Variants in NMNAT3 observed in about 807,000 individuals in gnomAD.
The protein encoded by NMNAT3 is nicotinamide nucleotide adenylyltransferase 3.
In NMNAT3, 21 loss-of-function variants were observed where a neutral mutation model predicts 24.8. The ratio of observed to expected loss-of-function variants is 0.85; its 90% CI spans 0.60 to 1.22. NMNAT3 has a LOEUF of 1.22. NMNAT3 is among the 50% of genes most tolerant of loss of function. The pLI, the probability that NMNAT3 is intolerant of heterozygous loss-of-function variation, is 0.00. For missense variants in NMNAT3, 387 were observed against 436.6 expected (o/e 0.89, Z 1.01); for synonymous variants, 136 against 155.2 (o/e 0.88, Z 0.92).
chr3:139,565,206 G>A (rs1936991500), intron 6 of NMNAT3, among the ~76,000 whole-genome samples: 1 of 152,032 alleles, frequency 6.6e-6, no homozygotes, highest in Admixed American at 6.6e-5. Flanking sequence ...AAAAACTGTT[G>A]TGATAAACAT....
chr3:139,603,983 C>T (rs918917076), intron 3 of NMNAT3, among the ~76,000 whole-genome samples: 5 of 152,174 alleles, frequency 3.3e-5, no homozygotes, highest in African/African-American at 9.7e-5. Flanking sequence ...TATGGCATCC[C>T]AATAGCCATC....
chr3:139,666,404 A>C (rs530951895), intron 1 of NMNAT3, among the ~76,000 whole-genome samples: 2 of 152,314 alleles, frequency 1.3e-5, no homozygotes, highest in East Asian at 3.9e-4. Context: ...TGGAGGCCCC[A>C]GCTGCCAGCC....
At chr3:139,668,962 C>T (rs1191131936) in intron 1 of NMNAT3, among the ~76,000 whole-genome samples, 2 of 152,112 alleles carry the variant, frequency 1.3e-5, no homozygotes, top group Non-Finnish European at 2.9e-5. Context: ...ATCTAAAATG[C>T]CCAGAACTGA....
chr3:139,616,268 T>C (rs115647617), intron 3 of NMNAT3, among the ~76,000 whole-genome samples: 2,654 of 152,310 alleles, frequency 0.017, 75 homozygotes, highest in African/African-American at 0.061. Context: ...TCTTAACACT[T>C]AATGCTGGGG....
chr3:139,622,303 T>G (rs533104812), intron 3 of NMNAT3, among the ~76,000 whole-genome samples: 17 of 152,284 alleles, frequency 1.1e-4, no homozygotes, highest in South Asian at 8.3e-4. Context: ...TATTTCTTGT[T>G]GGTTTTGATT....
intron 3 of NMNAT3, among the ~76,000 whole-genome samples, chr3:139,612,419 G>A (rs1328342771): frequency 2.0e-5 from 3 of 152,142 alleles, no homozygotes; most frequent in Middle Eastern, 3.2e-3. Flanking sequence ...TTGACAAGGT[G>A]TCACAAGATC....
At chr3:139,632,250 T>C (rs1481354822) in intron 2 of NMNAT3, among the ~76,000 whole-genome samples, 1 of 152,162 alleles carries the variant, frequency 6.6e-6, no homozygotes, top group Non-Finnish European at 1.5e-5. Context: ...TCCAGAGATA[T>C]AAAGTGAACT....
At chr3:139,608,575 A>G (rs953810001) in intron 3 of NMNAT3, among the ~76,000 whole-genome samples, 7 of 152,138 alleles carry the variant, frequency 4.6e-5, no homozygotes, top group African/African-American at 1.7e-4. Flanking sequence ...ACTGAGATAA[A>G]TGTAGATTTA....
intron 3 of NMNAT3, among the ~76,000 whole-genome samples, chr3:139,595,268 C>T (rs920080926): frequency 1.2e-4 from 19 of 152,074 alleles, no homozygotes; most frequent in African/African-American, 4.1e-4. Flanking sequence ...TGTGAAGGAC[C>T]TCTTCAAGGA....
In NMNAT3 at chr3:139,560,868, AG is replaced by A. The variant is rs753152816; in HGVS notation, c.*141del. On this transcript the variant is annotated 3_prime_UTR_variant, in exon 7 of 7. Coordinates refer to ENST00000643695, the MANE Select transcript of NMNAT3 (RefSeq NM_001320510.2). ...AGAAGGTATCTCTTCCTGGGACAGA[AG>A]ACTCCTCAGAAGTAGAATCACTGTA... The A allele has an allele frequency of 1.1e-3, 824 of 776,216 alleles. 1 individual carries two copies. Among genetic ancestry groups the A allele is most frequent in the South Asian group, 1.9e-3 (106 of 55,562 alleles). 48.1% of individuals were successfully genotyped at this position (776,216 alleles called of 1,614,324 possible).
intron 5 of NMNAT3, chr3:139,576,099 ATGTT>A: frequency 7.9e-7 from 1 of 1,268,620 alleles, no homozygotes; most frequent in Non-Finnish European, 1.0e-6. Flanking sequence ...CATCATAGAG[ATGTT>A]TGTTACTATG....
chr3:139,633,024 A>T (rs541102389), intron 2 of NMNAT3, among the ~76,000 whole-genome samples: 2 of 152,284 alleles, frequency 1.3e-5, no homozygotes, highest in South Asian at 4.1e-4. Context: ...GAGAGGTGCT[A>T]GGAAGGGGCC....
intron 3 of NMNAT3, among the ~76,000 whole-genome samples, chr3:139,586,150 C>T (rs1208523134): frequency 6.6e-6 from 1 of 152,164 alleles, no homozygotes; most frequent in Non-Finnish European, 1.5e-5. Flanking sequence ...CGCATGTTCT[C>T]ACTTCTAAGT....
chr3:139,591,768 A>G (rs2054197448), intron 3 of NMNAT3, among the ~76,000 whole-genome samples: 1 of 152,268 alleles, frequency 6.6e-6, no homozygotes, highest in Non-Finnish European at 1.5e-5. Context: ...CCTGTCTGTT[A>G]GAAGGAAAAC....
rs772708358 is a variant in NMNAT3, at chr3:139,579,016, T to C, written c.431A>G (p.Asn144Ser). 8 of 1,614,058 alleles carry C rather than the reference T, an allele frequency of 5.0e-6. No homozygotes were observed. Among genetic ancestry groups the C allele is most frequent in the Non-Finnish European group, 6.8e-6 (8 of 1,180,004 alleles). Residue 144 changes from asparagine to serine, a missense_variant, in exon 5 of 7, where the codon AAC (asparagine) becomes AGC (serine). By Grantham distance (46) the Asn-to-Ser change is conservative (BLOSUM62 1). Coordinates refer to ENST00000643695, the MANE Select transcript of NMNAT3 (RefSeq NM_001320510.2). ...GAGGTCTTTCTTCCCATAGGTGTCG[T>C]TGACAGGAGAGATGATACCCTGGAT...
intron 1 of NMNAT3, among the ~76,000 whole-genome samples, chr3:139,647,905 G>A (rs1209243509): frequency 1.3e-5 from 2 of 152,208 alleles, no homozygotes; most frequent in Admixed American, 1.3e-4. Context: ...TCACAGACAC[G>A]TTGGAAGGAA....
chr3:139,600,309 T>C (rs1342329700), intron 3 of NMNAT3, among the ~76,000 whole-genome samples: 1 of 151,456 alleles, frequency 6.6e-6, no homozygotes, highest in South Asian at 2.1e-4. Context: ...AGAAAGGATT[T>C]TTTTTTTTTT....
intron 1 of NMNAT3, among the ~76,000 whole-genome samples, chr3:139,662,089 G>T (rs1265720023): frequency 2.6e-5 from 4 of 152,172 alleles, no homozygotes; most frequent in Non-Finnish European, 5.9e-5. Context: ...ACCAGGATGG[G>T]AGGGAGCACT....
intron 3 of NMNAT3, among the ~76,000 whole-genome samples, chr3:139,607,677 G>C (rs932137772): frequency 1.3e-5 from 2 of 151,790 alleles, no homozygotes; most frequent in Non-Finnish European, 2.9e-5. Context: ...TCTGGCATGT[G>C]ATCCCATTGT....
Sources: gnomAD v4.1 joint callset for allele counts (sites outside exome capture counted in the v4.1 genomes callset) on GRCh38, gnomAD v4.1.1 for gene constraint, MANE v1.5 for transcripts, NCBI Gene and HGNC (gene_info 2026-07-23, HGNC 2026-07-21) for gene names.